USP24: variants seen among roughly 807,000 people sequenced by gnomAD.
USP24 encodes the protein ubiquitin specific peptidase 24, also known as ubiquitin carboxyl-terminal hydrolase 24.
USP24 carries 97 observed loss-of-function variants against 361.6 expected under a neutral mutation model. The observed-to-expected ratio is 0.27, with a 90% CI of 0.23 to 0.32. The LOEUF is 0.32. USP24 is among the 10% of genes least tolerant of loss of function. The pLI, the probability that USP24 is intolerant of heterozygous loss-of-function variation, is 1.00. For missense variants in USP24, 2,353 were observed against 3,165.6 expected, an observed-to-expected ratio of 0.74 and a Z score of 6.16; for synonymous variants, 1,098 against 1,124.6, an observed-to-expected ratio of 0.98 and a Z score of 0.47.
Position 55,107,111 on chromosome 1 carries a change from CCTA to C in USP24, c.4762+125_4762+127del. On this transcript the variant is annotated intron_variant, in intron 40 of 67. Coordinates refer to ENST00000294383, the MANE Select transcript of USP24 (RefSeq NM_015306.3). ...TAGCCACTAAAATAACGGACAATTT[CCTA>C]CTGTGTGAAGGGTCAATTTTCCATG... is the stretch of plus-strand genomic sequence containing the variant. The C allele has an allele frequency of 2.7e-6, 3 of 1,101,368 alleles. No homozygotes were observed. In the South Asian group the frequency reaches 5.7e-5, roughly 21 times the overall value. The allele number at this position is 1,101,368 out of a possible 1,614,324, so 68.2% of individuals were successfully genotyped here.
rs182587142 is a variant in USP24 at position 55,124,303 on chromosome 1, A to G, written c.4120+166T>C. On this transcript the variant is annotated intron_variant, in intron 35 of 67. Transcript: ENST00000294383. ...AGTGAAATATGACATACATATAGGA[A>G]CATACATAAATACTAAGTGTATACA... 9.5e-4 allele frequency among the ~76,000 whole-genome samples: 145 copies of G among 152,352 alleles called. 1 individual carries two copies. The highest frequency in any genetic ancestry group is 3.4e-3 in the African/African-American group (142 of 41,586).
At chr1:55,184,920 G>A (rs1364395935) in intron 1 of USP24, among the ~76,000 whole-genome samples, 1 of 152,052 alleles carries the variant, frequency 6.6e-6, no homozygotes, top group African/African-American at 2.4e-5. Flanking sequence ...TACAGCAAAA[G>A]CAGTGATTAA....
In USP24 at chr1:55,068,202, A is replaced by C. The variant is rs1644854852; in HGVS notation, c.*843T>G. On this transcript the variant is annotated 3_prime_UTR_variant, in exon 68 of 68. Coordinates refer to ENST00000294383, the MANE Select transcript of USP24 (RefSeq NM_015306.3). ...AAGCATTAAAAAGATAATTCTGTGAAGTTAAACTCAGTAAAATTATATCTT... is the reference window on the plus strand; with the variant it reads ...AAGCATTAAAAAGATAATTCTGTGACGTTAAACTCAGTAAAATTATATCTT... The C allele has an allele frequency of 6.6e-6, 1 of 152,254 alleles. No individual in the cohort carries two copies. The highest frequency in any genetic ancestry group is 2.1e-4 in the South Asian group (1 of 4,832). 9.4% of individuals were successfully genotyped at this position (152,254 alleles called of 1,614,324 possible).
chr1:55,104,418 C>T (rs1338822269), intron 41 of USP24, among the ~76,000 whole-genome samples: 2 of 152,076 alleles, frequency 1.3e-5, no homozygotes, highest in Non-Finnish European at 2.9e-5. Context: ...CAAAAGAAAG[C>T]TGTAAAACCC....
intron 38 of USP24, among the ~76,000 whole-genome samples, chr1:55,115,414 T>C (rs1219645785): frequency 1.6e-5 from 2 of 128,006 alleles, no homozygotes; most frequent in Non-Finnish European, 3.2e-5. Context: ...GAGAATGGCA[T>C]GAACCTGGGA....
chr1:55,115,189 T>C (rs150134000), intron 38 of USP24, among the ~76,000 whole-genome samples: 1 of 152,156 alleles, frequency 6.6e-6, no homozygotes, highest in African/African-American at 2.4e-5. Flanking sequence ...TGAGATACCA[T>C]CTTACATGGT....
intron 1 of USP24, among the ~76,000 whole-genome samples, chr1:55,196,711 C>T (rs2100900163): frequency 6.6e-6 from 1 of 152,326 alleles, no homozygotes; most frequent in East Asian, 1.9e-4. Flanking sequence ...AAAACAAACC[C>T]CTGATCTTTC....
At chr1:55,136,289 T>G (rs942265928) in intron 28 of USP24, among the ~76,000 whole-genome samples, 2 of 151,980 alleles carry the variant, frequency 1.3e-5, no homozygotes, top group African/African-American at 4.8e-5. Flanking sequence ...AGGACCAACA[T>G]GGAGGCCAGT....
At chr1:55,117,037 A>T (rs1646135654) in intron 38 of USP24, among the ~76,000 whole-genome samples, 1 of 152,246 alleles carries the variant, frequency 6.6e-6, no homozygotes, top group Non-Finnish European at 1.5e-5. Flanking sequence ...GGTCCATGGT[A>T]CGAAAATCTA....
chr1:55,154,612 C>G (rs1408364973), intron 13 of USP24, 59 bp downstream of exon 13: 1 of 1,523,854 alleles, frequency 6.6e-7, no homozygotes, highest in Non-Finnish European at 9.0e-7. Flanking sequence ...GTATTCAGGA[C>G]CTCAAAAGAG....
intron 1 of USP24, among the ~76,000 whole-genome samples, chr1:55,197,537 T>C (rs1644452535): frequency 6.6e-6 from 1 of 152,218 alleles, no homozygotes; most frequent in Non-Finnish European, 1.5e-5. Flanking sequence ...ATTGTATGTG[T>C]GTTCAGGCAC....
chr1:55,072,043 C>T, intron 66 of USP24, 119 bp from the exon 67 acceptor site: 1 of 902,812 alleles, frequency 1.1e-6, no homozygotes, highest in Non-Finnish European at 1.7e-6. Context: ...GAGAGTGAGG[C>T]CTTCATCACA....
At position 55,178,023 on chromosome 1, in the gene USP24, T is replaced by C. The variant is rs1396815219; in HGVS notation, c.434A>G (p.Lys145Arg). The stretch of plus-strand genomic sequence containing the variant: ...GCATTTGCCTAGTGATTCTTCTCGC[T>C]TGTAAGGGATGGACCAATGATCAGT... Reference protein sequence around the residue: ...VLTDHWSIPYKREESLGKCLL... With the variant: ...VLTDHWSIPYRREESLGKCLL... The change falls in exon 2 of 68, where the codon AAG becomes AGG. Residue 145 changes from lysine (K) to arginine (R), a missense_variant. By Grantham distance (26) the Lys-to-Arg change is conservative. Around this residue, in one of 8 missense-constraint regions of USP24, gnomAD observed 253 missense variants for 255.3 expected, o/e 0.99. Transcript: ENST00000294383. 1.3e-6 allele frequency: 2 copies of C among 1,551,552 alleles called. No individual in the cohort carries two copies. Among genetic ancestry groups the C allele is most frequent in the Admixed American group, 3.9e-5 (2 of 50,972 alleles).
intron 65 of USP24, 66 bp downstream of exon 65, chr1:55,072,720 T>C (rs1644945555): frequency 1.4e-6 from 2 of 1,458,548 alleles, no homozygotes; most frequent in Non-Finnish European, 9.3e-7. Context: ...TCTAGAGATT[T>C]TTCCTGACAA....
intron 58 of USP24, among the ~76,000 whole-genome samples, chr1:55,082,832 TTC>T (rs1232920720): frequency 2.0e-5 from 3 of 152,104 alleles, no homozygotes; most frequent in Non-Finnish European, 4.4e-5. Context: ...CCCAAACAAC[TTC>T]CTTTTCATTT....
chr1:55,129,612 T>G, intron 31 of USP24, 38 bp from the exon 32 acceptor site: 1 of 1,554,556 alleles, frequency 6.4e-7, no homozygotes, highest in Non-Finnish European at 8.8e-7. Flanking sequence ...ATCCACACAT[T>G]TTCAGCAGAA....
At chr1:55,138,294 C>T (rs951223498) in intron 26 of USP24, among the ~76,000 whole-genome samples, 4 of 152,170 alleles carry the variant, frequency 2.6e-5, no homozygotes, top group Admixed American at 2.6e-4. Flanking sequence ...GCTCAAATGT[C>T]ACCACCTCAG....
intron 53 of USP24, among the ~76,000 whole-genome samples, 183 bp from the exon 54 acceptor site, chr1:55,092,309 T>A (rs679941): frequency 1 from 152,205 of 152,378 alleles, 76,016 homozygotes; most frequent in Middle Eastern, 1. Context: ...TTTAAATTTT[T>A]AAAAAGGTTA....
At chr1:55,201,800 C>T (rs1230584182) in intron 1 of USP24, among the ~76,000 whole-genome samples, 1 of 152,050 alleles carries the variant, frequency 6.6e-6, no homozygotes, top group East Asian at 1.9e-4. Flanking sequence ...TAACAGAAAA[C>T]CATTAGCAAG....
Sources: allele counts gnomAD v4.1 joint callset (sites outside exome capture counted in the v4.1 genomes callset), GRCh38; gene constraint gnomAD v4.1.1; regional missense constraint gnomAD v4.1.1; transcripts MANE v1.5; gene names NCBI Gene and HGNC (gene_info 2026-07-23, HGNC 2026-07-21).